The following INSL6 variants were observed in gnomAD, a reference collection of about 807,000 sequenced individuals.
The protein encoded by INSL6 is insulin like 6, also known as insulin-like peptide INSL6.
A neutral mutation model predicts 9.4 loss-of-function variants in INSL6; 16 were observed. The observed-to-expected ratio is 1.70, with a 90% CI of 1.15 to 2.59. The LOEUF (loss-of-function observed/expected upper bound fraction) is 2.59, where lower values mean the gene tolerates loss of function less well. Ranked by LOEUF, INSL6 falls within the 30% of genes most tolerant of loss-of-function variation. The probability of loss-of-function intolerance (pLI) is 0.00; values close to 1 mark genes in which losing one functional copy is unlikely to be tolerated. For synonymous variants in INSL6, 154 were observed against 96.9 expected, an observed-to-expected ratio of 1.59 and a Z score of -3.46; for missense variants, 391 against 257.3, an observed-to-expected ratio of 1.52 and a Z score of -3.56.
chr9:5,080,872 T>A, the INSL6 span, among the ~76,000 whole-genome samples: 5 of 150,248 alleles, frequency 3.3e-5, no homozygotes, highest in Non-Finnish European at 5.9e-5. Context: ...ATTATTTTCA[T>A]TTTTATAAAA....
intron 2 of INSL6, among the ~76,000 whole-genome samples, chr9:5,150,737 CATT>C (rs1347790581): frequency 4.6e-5 from 7 of 151,962 alleles, no homozygotes. Flanking sequence ...TAAAGGAAAT[CATT>C]ATAGCAAAAA....
At chr9:5,081,057 G>A in the INSL6 span, among the ~76,000 whole-genome samples, 3 of 151,216 alleles carry the variant, frequency 2.0e-5, no homozygotes, top group East Asian at 3.9e-4. Flanking sequence ...CACCACACCC[G>A]GCTAATTTTT....
At chr9:5,023,633 C>T in the INSL6 span, among the ~76,000 whole-genome samples, 1 of 152,204 alleles carries the variant, frequency 6.6e-6, no homozygotes, top group Non-Finnish European at 1.5e-5. Context: ...TGGAGTCTCT[C>T]CTAGCTTCTT....
At chr9:5,029,817 A>G in the INSL6 span, 1 of 1,611,368 alleles carries the variant, frequency 6.2e-7, no homozygotes. Flanking sequence ...TGTTTGCTTT[A>G]ATGAGTGAAA....
chr9:5,144,369 G>A (rs1033544331), intron 2 of INSL6, among the ~76,000 whole-genome samples: 4 of 152,132 alleles, frequency 2.6e-5, no homozygotes, highest in African/African-American at 9.7e-5. Context: ...ACGAGAGACC[G>A]TTTGTATGAT....
chr9:5,041,092 G>A, the INSL6 span: 34 of 718,010 alleles, frequency 4.7e-5, no homozygotes, highest in Non-Finnish European at 8.1e-5. Context: ...CTACAGCCTG[G>A]AGGACCTGTT....
chr9:4,998,820 G>T, the INSL6 span, among the ~76,000 whole-genome samples: 2 of 151,698 alleles, frequency 1.3e-5, no homozygotes, highest in African/African-American at 2.4e-5. Context: ...TCTCTTCATG[G>T]CATCAGTTTT....
intron 2 of INSL6, among the ~76,000 whole-genome samples, chr9:5,138,730 T>TAA (rs5896113): frequency 0.02 from 2,998 of 150,442 alleles, 118 homozygotes; most frequent in African/African-American, 0.069. Flanking sequence ...TAAACTATAA[T>TAA]AAAAAAAAAT....
downstream of INSL6, among the ~76,000 whole-genome samples, chr9:5,119,080 A>G (rs1823421275): frequency 6.6e-6 from 1 of 152,178 alleles, no homozygotes; most frequent in East Asian, 1.9e-4. Context: ...ATCATGTTTT[A>G]AATATATGAT....
the INSL6 span, among the ~76,000 whole-genome samples, chr9:4,998,968 C>G: frequency 6.6e-6 from 1 of 151,070 alleles, no homozygotes; most frequent in African/African-American, 2.4e-5. Flanking sequence ...ACTACAGGTG[C>G]CCGCCACCAC....
chr9:5,070,253 A>G, the INSL6 span, among the ~76,000 whole-genome samples: 1 of 152,200 alleles, frequency 6.6e-6, no homozygotes, highest in Admixed American at 6.5e-5. Flanking sequence ...TAAGAATGGA[A>G]TCTTAATTTT....
chr9:5,014,836 T>C, the INSL6 span, among the ~76,000 whole-genome samples: 1 of 152,174 alleles, frequency 6.6e-6, no homozygotes, highest in Non-Finnish European at 1.5e-5. Context: ...CACCTACATA[T>C]GTGTTTCTCC....
At chr9:5,129,433 C>T (rs1472723219) in intron 3 of INSL6, among the ~76,000 whole-genome samples, 1 of 152,054 alleles carries the variant, frequency 6.6e-6, no homozygotes, top group East Asian at 1.9e-4. Flanking sequence ...TTAATGAACA[C>T]TGTTGTATCC....
At chr9:5,091,008 A>G in the INSL6 span, 2 of 920,894 alleles carry the variant, frequency 2.2e-6, no homozygotes, top group Non-Finnish European at 3.2e-6. Context: ...ATTTACAGTA[A>G]CAGTGAACAT....
chr9:5,059,549 T>TA, the INSL6 span, among the ~76,000 whole-genome samples: 8 of 152,162 alleles, frequency 5.3e-5, no homozygotes, highest in Non-Finnish European at 1.2e-4. Flanking sequence ...TTGGTGGACT[T>TA]ATGCACTCTT....
At position 5,126,831 on chromosome 9, in the gene INSL6, G is replaced by A. The variant is rs763010666; in HGVS notation, c.*11-2320C>T. 8 of 1,279,270 alleles carry A rather than the reference G, an allele frequency of 6.3e-6. No individual in the cohort carries two copies. In the Admixed American group the frequency reaches 1.5e-4, roughly 24 times the overall value. 79.2% of individuals were successfully genotyped at this position (1,279,270 alleles called of 1,614,324 possible). On this transcript the variant is annotated intron_variant, in intron 3 of 3. Transcript: ENST00000649639. ...ATTCTGAGACCAAAGTAGATTTACA[G>A]AACAAAGTTTTATATTTCACATTGC...
chr9:5,073,465 C>A, the INSL6 span, among the ~76,000 whole-genome samples: 1 of 152,090 alleles, frequency 6.6e-6, no homozygotes, highest in South Asian at 2.1e-4. Flanking sequence ...ATTCCTGTAC[C>A]ACTCTTGCTC....
chr9:5,164,491 AG>A (rs1564049823), intron 1 of INSL6, among the ~76,000 whole-genome samples: 1 of 152,256 alleles, frequency 6.6e-6, no homozygotes, highest in Non-Finnish European at 1.5e-5. Context: ...TAACAATTTG[AG>A]ATATCATTCA....
intron 2 of INSL6, among the ~76,000 whole-genome samples, chr9:5,153,515 A>G (rs559151897): frequency 2.6e-5 from 4 of 152,224 alleles, no homozygotes; most frequent in Non-Finnish European, 5.9e-5. Flanking sequence ...AAGGTATTCA[A>G]TTAGGAAAAG....
Sources: gnomAD v4.1 joint callset for allele counts (sites outside exome capture counted in the v4.1 genomes callset) on GRCh38, gnomAD v4.1.1 for gene constraint, MANE v1.5 for transcripts, NCBI Gene and HGNC (gene_info 2026-07-23, HGNC 2026-07-21) for gene names.